Variants in GABRD observed in about 807,000 individuals in gnomAD.
GABRD encodes the protein gamma-aminobutyric acid receptor subunit delta.
A neutral mutation model predicts 47.3 loss-of-function variants in GABRD; 25 were observed. The ratio of observed to expected loss-of-function variants is 0.53; its 90% CI spans 0.39 to 0.74. The LOEUF is 0.74. GABRD is among the 30% of genes least tolerant of loss of function. The pLI, the probability that GABRD is intolerant of heterozygous loss-of-function variation, is 0.00. For synonymous variants in GABRD, 314 were observed against 278.8 expected, an observed-to-expected ratio of 1.13 and a Z score of -1.26; for missense variants, 497 against 643.4, an observed-to-expected ratio of 0.77 and a Z score of 2.46.
Position 2,025,502 on chromosome 1 carries a change from T to C in GABRD, c.250-16T>C, listed in dbSNP as rs895558456. On this transcript the variant is annotated splice_polypyrimidine_tract_variant and intron_variant, in intron 3 of 8. Transcript: ENST00000378585. ...TGGAGCAAGGCTGACCCCCGGCCCC[T>C]GTGCCACCTCCACAGGAGTACACCA... The C allele has an allele frequency of 1.9e-6, 3 of 1,612,558 alleles. No individual in the cohort carries two copies. The Admixed American group carries it at 5.0e-5, about 27-fold the overall frequency.
chr1:2,030,361 C>G lies in GABRD; in HGVS notation c.*79C>G. The G allele has an allele frequency of 7.6e-7, 1 of 1,313,126 alleles. No homozygotes were observed. The highest frequency in any genetic ancestry group is 1.0e-6 in the Non-Finnish European group (1 of 977,132). 81.3% of individuals were successfully genotyped at this position (1,313,126 alleles called of 1,614,324 possible). On this transcript the variant is annotated 3_prime_UTR_variant, in exon 9 of 9. Coordinates refer to ENST00000378585, the MANE Select transcript of GABRD (RefSeq NM_000815.5). ...GAAACTTCCTGGGAGAAAGAGCCCT[C>G]GGGCTGCCTTCCCCTCTGCGTGTTT... is the stretch of plus-strand genomic sequence containing the variant.
chr1:2,027,237 T>C (rs923606716), intron 4 of GABRD: 30 of 400,660 alleles, frequency 7.5e-5, no homozygotes, highest in South Asian at 6.7e-4. Context: ...ATCAAGTGCG[T>C]GGCAACTCTG....
In GABRD at chr1:2,028,928, C is replaced by T; in HGVS notation, c.692-183C>T. The T allele has an allele frequency of 1.4e-6, 1 of 701,972 alleles. No individual in the cohort carries two copies. Among genetic ancestry groups the T allele is most frequent in the South Asian group, 1.9e-5 (1 of 52,464 alleles). 43.5% of individuals were successfully genotyped at this position (701,972 alleles called of 1,614,324 possible). On this transcript the variant is annotated intron_variant, in intron 6 of 8. Coordinates refer to ENST00000378585, the MANE Select transcript of GABRD (RefSeq NM_000815.5). This position sits in a 1 kb window ranked among gnomAD's most constrained non-coding sequence, Gnocchi z 6.4. ...TGCTCAGGACCAGCCTGTCCTGTGG[C>T]CAGACCTAGGGCCGGAGGCCCCCTG...
chr1:2,024,826 C>A, intron 1 of GABRD, 116 bp from the exon 2 acceptor site: 1 of 705,802 alleles, frequency 1.4e-6, no homozygotes, highest in Non-Finnish European at 2.4e-6. Context: ...CCCACAGTGG[C>A]CCCCCATGCC....
At position 2,028,467 on chromosome 1, in the gene GABRD, G is replaced by A. The variant is rs1658994824; in HGVS notation, c.691+175G>A. On this transcript the variant is annotated intron_variant, in intron 6 of 8. Coordinates refer to ENST00000378585, the MANE Select transcript of GABRD (RefSeq NM_000815.5). This position sits in a 1 kb window ranked among gnomAD's most constrained non-coding sequence, Gnocchi z 6.4. Reference sequence around the variant, plus strand: ...CCTCTGGGGATGCAGCTGGGACGCTGCTGCCTTAGGAACTTGCTCATTGGC... The same window carrying A: ...CCTCTGGGGATGCAGCTGGGACGCTACTGCCTTAGGAACTTGCTCATTGGC... Among the ~76,000 whole-genome samples, 1 of 152,124 alleles carries A rather than the reference G, an allele frequency of 6.6e-6. No individual in the cohort carries two copies. The highest frequency in any genetic ancestry group is 1.5e-5 in the Non-Finnish European group (1 of 68,014).
At chr1:2,029,318 A>G (rs1285785767) in intron 7 of GABRD, 52 bp downstream of exon 7, 12 of 1,523,930 alleles carry the variant, frequency 7.9e-6, no homozygotes, top group Non-Finnish European at 1.1e-5. Flanking sequence ...GCCCTGGGGA[A>G]CAGGACTCCC....
chr1:2,025,804 G>C (rs1032882308), intron 4 of GABRD, 66 bp downstream of exon 4: 8 of 1,448,876 alleles, frequency 5.5e-6, no homozygotes, highest in Non-Finnish European at 6.7e-6. Flanking sequence ...GCGCCTGGAC[G>C]CTCCAAGGCT....
Position 2,025,404 on chromosome 1 carries a change from A to T in GABRD, c.249+3A>T. The T allele has an allele frequency of 6.2e-7, 1 of 1,612,814 alleles. No individual in the cohort carries two copies. The highest frequency in any genetic ancestry group is 8.5e-7 in the Non-Finnish European group (1 of 1,179,958). On this transcript the variant is annotated splice_donor_region_variant and intron_variant, in intron 3 of 8. Transcript: ENST00000378585. ...ACCACATCTCAGAGGCCAACATGGT[A>T]GGTGCCACCAGCCTCTGCCTCAGGC...
rs181895553 is a variant in GABRD, at chr1:2,027,550, G to A, written c.471-27G>A. ...CGGGAGGGCTGGCCTCACCCCCAAG[G>A]CCTCACTGCCATGCTTGTCTTGGCA... On this transcript the variant is annotated intron_variant, in intron 4 of 8. Transcript: ENST00000378585. The A allele has an allele frequency of 1.6e-4, 250 of 1,602,322 alleles. 2 individuals are homozygous for A. In the East Asian group the frequency reaches 4.3e-3, roughly 28 times the overall value.
At position 2,027,645 on chromosome 1, in the gene GABRD, T is replaced by C; in HGVS notation, c.539T>C (p.Leu180Pro). The C allele has an allele frequency of 6.2e-7, 1 of 1,613,884 alleles. No homozygotes were observed. The highest frequency in any genetic ancestry group is 1.1e-5 in the South Asian group (1 of 91,056). The change falls in exon 5 of 9, where the codon CTG (leucine) becomes CCG (proline). Residue 180 changes from leucine (L) to proline (P), a missense_variant. Physicochemically the swap from Leu to Pro is moderately conservative, Grantham distance 98. Around this residue, in one of 3 missense-constraint regions of GABRD, gnomAD observed 285 missense variants for 436.6 expected, o/e 0.65. Transcript: ENST00000378585. Reference protein sequence around the residue: ...KYPMDEQECMLDLESYGYSSE... With the variant: ...KYPMDEQECMPDLESYGYSSE... The stretch of plus-strand genomic sequence containing the variant: ...CCCATGGACGAGCAGGAGTGCATGC[T>C]GGACCTGGAGAGCTGTGAGTGGGTG...
In GABRD at chr1:2,028,184, T is replaced by A; in HGVS notation, c.583T>A (p.Tyr195Asn). ...YGYSSEDIVY[Y>N]WSESQEHIHG... is the part of the protein sequence containing the mutation. The stretch of plus-strand genomic sequence containing the variant: ...TTACTCATCGGAGGACATCGTCTAC[T>A]ACTGGTCGGAGAGCCAGGAGCACAT... The change falls in exon 6 of 9, where the codon TAC (tyrosine) becomes AAC (asparagine). Residue 195 changes from tyrosine (Y) to asparagine (N), a missense_variant. Around this residue, in one of 3 missense-constraint regions of GABRD, gnomAD observed 285 missense variants for 436.6 expected, o/e 0.65. Coordinates refer to ENST00000378585, the MANE Select transcript of GABRD (RefSeq NM_000815.5). This position sits in a 1 kb window ranked among gnomAD's most constrained non-coding sequence, Gnocchi z 6.4. 6.2e-7 allele frequency: 1 copy of A among 1,612,502 alleles called. No homozygotes were observed. Among genetic ancestry groups the A allele is most frequent in the Non-Finnish European group, 8.5e-7 (1 of 1,179,766 alleles).
At position 2,029,555 on chromosome 1, in the gene GABRD, C is replaced by T. The variant is rs753305124; in HGVS notation, c.852C>T (p.Ile284=). The T allele has an allele frequency of 6.2e-7, 1 of 1,612,672 alleles. No homozygotes were observed. The change falls in exon 8 of 9, where the codon ATC becomes ATT. Residue 284 remains isoleucine (I), a synonymous_variant. Coordinates refer to ENST00000378585, the MANE Select transcript of GABRD (RefSeq NM_000815.5). ...AAVPARVSLG[I]TTVLTMTTLM... ...GGCACCACCTGTGCCCGGCAGGCAT[C>T]ACCACGGTGCTGACGATGACCACGC...
intron 1 of GABRD, 137 bp downstream of exon 1, chr1:2,019,628 C>A (rs916741129): frequency 1.0e-5 from 4 of 396,340 alleles, no homozygotes; most frequent in Admixed American, 1.2e-4. Context: ...CGTCCTCCCT[C>A]CCCGGGGTCT....
rs376827990 is a variant in GABRD, at chr1:2,025,495, C to G, written c.250-23C>G. ...CTGGGGGTGGAGCAAGGCTGACCCC[C>G]GGCCCCTGTGCCACCTCCACAGGAG... On this transcript the variant is annotated intron_variant, in intron 3 of 8. Coordinates refer to ENST00000378585, the MANE Select transcript of GABRD (RefSeq NM_000815.5). 1.5e-4 allele frequency: 237 copies of G among 1,611,692 alleles called. 1 individual carries two copies. The South Asian group carries it at 2.3e-3, about 15-fold the overall frequency.
At chr1:2,029,019 G>T in intron 6 of GABRD, 92 bp from the exon 7 acceptor site, 1 of 1,469,224 alleles carries the variant, frequency 6.8e-7, no homozygotes, top group Non-Finnish European at 9.1e-7. Flanking sequence ...GCCCTGGTGG[G>T]CCCCGTAGCT....
chr1:2,027,247 G>A (rs934972200), intron 4 of GABRD: 8 of 419,596 alleles, frequency 1.9e-5, no homozygotes, highest in Admixed American at 1.5e-4. Flanking sequence ...TGGCAACTCT[G>A]GGCCTATTCC....
Position 2,028,977 on chromosome 1 carries a change from G to A in GABRD, c.692-134G>A, listed in dbSNP as rs565990529. 1.4e-5 allele frequency: 16 copies of A among 1,110,276 alleles called. No homozygotes were observed. The African/African-American group carries it at 1.7e-4, about 12-fold the overall frequency. 68.8% of individuals were successfully genotyped at this position (1,110,276 alleles called of 1,614,324 possible). On this transcript the variant is annotated intron_variant, in intron 6 of 8. Transcript: ENST00000378585. This position sits in a 1 kb window ranked among gnomAD's most constrained non-coding sequence, Gnocchi z 6.4. ...TGACATTTCAGGCCATGTGGTTGGT[G>A]GGGAGGGCAGGGGTCTAAGTCTCTC...
chr1:2,025,035 C>T lies in GABRD; in HGVS notation c.162C>T (p.Asn54=). The T allele has an allele frequency of 1.2e-6, 2 of 1,612,574 alleles. No homozygotes were observed. The highest frequency in any genetic ancestry group is 1.7e-6 in the Non-Finnish European group (2 of 1,179,682). Residue 54 remains asparagine (N), a synonymous_variant, in exon 2 of 9, where the codon AAC becomes AAT. Transcript: ENST00000378585. ...LDGLIAGYAR[N]FRPGIGGPPV... ...GGCTGATAGCCGGCTACGCCCGCAA[C>T]TTCCGGCCTGGCATCGGAGGTGAGG...
rs1186235691 is a variant in GABRD, at chr1:2,025,514, A to G, written c.250-4A>G. ...GACCCCCGGCCCCTGTGCCACCTCCACAGGAGTACACCATGACGGTGTTCC... is the reference window on the plus strand; with the variant it reads ...GACCCCCGGCCCCTGTGCCACCTCCGCAGGAGTACACCATGACGGTGTTCC... On this transcript the variant is annotated splice_region_variant and splice_polypyrimidine_tract_variant and intron_variant, in intron 3 of 8. Transcript: ENST00000378585. The G allele has an allele frequency of 1.9e-6, 3 of 1,612,918 alleles. No individual in the cohort carries two copies. Among genetic ancestry groups the G allele is most frequent in the Non-Finnish European group, 2.5e-6 (3 of 1,179,912 alleles).
Sources: gnomAD v4.1 joint callset for allele counts (sites outside exome capture counted in the v4.1 genomes callset) on GRCh38, gnomAD v4.1.1 for gene constraint, gnomAD v4.1.1 regional missense constraint, Gnocchi (gnomAD v3.1) non-coding constraint, MANE v1.5 for transcripts, NCBI Gene and HGNC (gene_info 2026-07-23, HGNC 2026-07-21) for gene names.